The following PEBP4 variants were observed in gnomAD, a reference collection of about 807,000 sequenced individuals.
The protein encoded by PEBP4 is phosphatidylethanolamine-binding protein 4.
A neutral mutation model predicts 23.9 loss-of-function variants in PEBP4; 22 were observed. The ratio of observed to expected loss-of-function variants is 0.92; its 90% CI spans 0.66 to 1.31. PEBP4 has a LOEUF of 1.31. Among genes scored for constraint, PEBP4 ranks in the 40% most tolerant of loss-of-function variants. The pLI, the probability that PEBP4 is intolerant of heterozygous loss-of-function variation, is 0.00. For missense variants in PEBP4, 324 were observed against 281.7 expected (o/e 1.15, Z -1.07); for synonymous variants, 112 against 99.3 (o/e 1.13, Z -0.76).
At chr8:22,863,716 G>C in intron 3 of PEBP4, among the ~76,000 whole-genome samples, 1 of 152,142 alleles carries the variant, frequency 6.6e-6, no homozygotes, top group Admixed American at 6.5e-5. Context: ...CAGAGGGTGG[G>C]TCTCTGCCCT....
At chr8:22,760,943 C>T (rs1279505655) in intron 4 of PEBP4, among the ~76,000 whole-genome samples, 1 of 152,176 alleles carries the variant, frequency 6.6e-6, no homozygotes, top group Non-Finnish European at 1.5e-5. Context: ...AGGTTTCGCG[C>T]ACACCAGTTG....
At chr8:22,907,251 G>A (rs755311752) in intron 3 of PEBP4, among the ~76,000 whole-genome samples, 34 of 152,330 alleles carry the variant, frequency 2.2e-4, no homozygotes, top group Non-Finnish European at 4.0e-4. Flanking sequence ...TCCGAGGCCA[G>A]GAGTTCAAGA....
intron 3 of PEBP4, among the ~76,000 whole-genome samples, chr8:22,854,999 C>G (rs981266537): frequency 1.9e-5 from 1 of 51,660 alleles, no homozygotes; most frequent in Admixed American, 2.4e-4. Flanking sequence ...TGAGTATGCA[C>G]GCACACACAC....
intron 2 of PEBP4, chr8:22,924,727 A>C: frequency 1.0e-6 from 1 of 985,298 alleles, no homozygotes; most frequent in Non-Finnish European, 1.2e-6. Context: ...GGGTTTTTTG[A>C]GTGGATTCAC....
At chr8:22,902,634 G>A (rs974654921) in intron 3 of PEBP4, among the ~76,000 whole-genome samples, 2 of 152,180 alleles carry the variant, frequency 1.3e-5, no homozygotes, top group East Asian at 1.9e-4. Context: ...CCCTGGACCC[G>A]ATGAATGCTG....
intron 4 of PEBP4, among the ~76,000 whole-genome samples, chr8:22,771,257 GGTGGGT>G (rs1272337962): frequency 6.6e-6 from 1 of 152,214 alleles, no homozygotes; most frequent in Non-Finnish European, 1.5e-5. Context: ...GGGAGGCCGA[GGTGGGT>G]GGATCACTTG....
intron 3 of PEBP4, among the ~76,000 whole-genome samples, chr8:22,846,740 G>A (rs1807445884): frequency 6.6e-6 from 1 of 152,172 alleles, no homozygotes; most frequent in Admixed American, 6.5e-5. Context: ...GCCTCACAGT[G>A]GCCAACACTG....
chr8:22,851,296 C>T (rs547884784), intron 3 of PEBP4, among the ~76,000 whole-genome samples: 1 of 152,120 alleles, frequency 6.6e-6, no homozygotes, highest in Non-Finnish European at 1.5e-5. Flanking sequence ...GAGTTCCAGG[C>T]GCACCAGTTA....
intron 4 of PEBP4, among the ~76,000 whole-genome samples, chr8:22,770,437 C>T (rs148930704): frequency 1.3e-3 from 205 of 152,320 alleles, no homozygotes; most frequent in African/African-American, 4.3e-3. Context: ...TGGCCTTGGC[C>T]GAAGCTGCAT....
At chr8:22,902,494 G>A (rs1808732266) in intron 3 of PEBP4, among the ~76,000 whole-genome samples, 2 of 152,162 alleles carry the variant, frequency 1.3e-5, no homozygotes, top group African/African-American at 4.8e-5. Context: ...ACCTTGGTGA[G>A]GATATGACAA....
At chr8:22,729,197 C>G (rs1473145221) in intron 4 of PEBP4, among the ~76,000 whole-genome samples, 1 of 152,178 alleles carries the variant, frequency 6.6e-6, no homozygotes, top group Admixed American at 6.6e-5. Context: ...GAGGGAAGGC[C>G]TTGACAGATG....
intron 4 of PEBP4, among the ~76,000 whole-genome samples, chr8:22,803,148 G>A (rs1196176549): frequency 6.6e-6 from 1 of 152,128 alleles, no homozygotes; most frequent in African/African-American, 2.4e-5. Context: ...CTGGGGTTAA[G>A]CTTGTTTATA....
At chr8:22,791,450 C>G (rs1277349221) in intron 4 of PEBP4, among the ~76,000 whole-genome samples, 3 of 152,112 alleles carry the variant, frequency 2.0e-5, no homozygotes, top group Non-Finnish European at 4.4e-5. Context: ...GTGACACCAT[C>G]CAAATTCTAT....
At chr8:22,780,064 T>C (rs2128755108) in intron 4 of PEBP4, among the ~76,000 whole-genome samples, 1 of 151,594 alleles carries the variant, frequency 6.6e-6, no homozygotes, top group Middle Eastern at 3.4e-3. Context: ...TCCTCCCACC[T>C]CAGCCCCTGA....
rs536993520 is a variant in PEBP4 at position 22,898,391 on chromosome 8, C to CAAAAAAAAAAAA, written c.258+21781_258+21792dup. ...TGAGCGACAGAGGAAGACTCCACCC[C>CAAAAAAAAAAAA]AAAAAAAAAAAAAAAAAAAAAAAAA... On this transcript the variant is annotated intron_variant, in intron 3 of 6. Transcript: ENST00000256404. Among the ~76,000 whole-genome samples, 28 of 7,966 alleles carry CAAAAAAAAAAAA rather than the reference C, an allele frequency of 3.5e-3. 8 individuals carry two copies. The highest frequency in any genetic ancestry group is 0.018 in the Admixed American group (12 of 656). The allele number at this position is 7,966 out of a possible 152,430, so 5.2% of individuals were successfully genotyped here.
At chr8:22,921,927 G>A (rs1809209687) in intron 2 of PEBP4, among the ~76,000 whole-genome samples, 1 of 152,264 alleles carries the variant, frequency 6.6e-6, no homozygotes, top group African/African-American at 2.4e-5. Context: ...CACAGGATGG[G>A]AAAACTGAGA....
chr8:22,846,291 G>C (rs1585304037), intron 3 of PEBP4, among the ~76,000 whole-genome samples: 1 of 152,170 alleles, frequency 6.6e-6, no homozygotes, highest in African/African-American at 2.4e-5. Context: ...GGTCCTGCAC[G>C]ACCAGGGCTG....
Position 22,916,931 on chromosome 8 carries a change from T to C in PEBP4, c.258+3253A>G, listed in dbSNP as rs1182432472. Among the ~76,000 whole-genome samples, 3 of 152,130 alleles carry C rather than the reference T, an allele frequency of 2.0e-5. No individual in the cohort carries two copies. In the East Asian group the frequency reaches 5.8e-4, roughly 29 times the overall value. ...AGAGAAAGAAAAGATCAGCCAGGGA[T>C]GTAGGTGGAGCCCAGAGGGAGGCAG... On this transcript the variant is annotated intron_variant, in intron 3 of 6. Coordinates refer to ENST00000256404, the MANE Select transcript of PEBP4 (RefSeq NM_144962.3).
intron 3 of PEBP4, among the ~76,000 whole-genome samples, chr8:22,818,988 C>T (rs766033237): frequency 6.6e-6 from 1 of 152,126 alleles, no homozygotes; most frequent in Non-Finnish European, 1.5e-5. Context: ...TGAAGGTGGA[C>T]ATTCAGAGTT....
Sources: allele counts gnomAD v4.1 joint callset (sites outside exome capture counted in the v4.1 genomes callset), GRCh38; gene constraint gnomAD v4.1.1; transcripts MANE v1.5; gene names NCBI Gene and HGNC (gene_info 2026-07-23, HGNC 2026-07-21).